The following GRID1 variants were observed in gnomAD, a reference collection of about 807,000 sequenced individuals.
The protein encoded by GRID1 is glutamate receptor ionotropic, delta-1.
A neutral mutation model predicts 98.0 loss-of-function variants in GRID1; 28 were observed. The ratio of observed to expected loss-of-function variants is 0.29; its 90% CI spans 0.21 to 0.39. The LOEUF is 0.39. Among genes scored for constraint, GRID1 ranks in the 10% least tolerant of loss-of-function variants. The pLI, the probability that GRID1 is intolerant of heterozygous loss-of-function variation, is 1.00. For missense variants in GRID1, 1,111 were observed against 1,340.5 expected (o/e 0.83, Z 2.67); for synonymous variants, 553 against 538.5 (o/e 1.03, Z -0.37).
chr10:85,876,526 A>G (rs1029162861), intron 5 of GRID1, among the ~76,000 whole-genome samples: 16 of 152,236 alleles, frequency 1.1e-4, no homozygotes, highest in African/African-American at 3.6e-4. Context: ...CCTTTGCCAT[A>G]TAAGGTAATA....
At chr10:85,656,827 T>A (rs1003889672) in intron 12 of GRID1, among the ~76,000 whole-genome samples, 7 of 152,188 alleles carry the variant, frequency 4.6e-5, no homozygotes, top group African/African-American at 1.7e-4. Context: ...TCTCTAAGAA[T>A]CTCCTTGCTT....
At chr10:86,131,679 G>A (rs529073773) in intron 4 of GRID1, among the ~76,000 whole-genome samples, 9 of 152,220 alleles carry the variant, frequency 5.9e-5, no homozygotes, top group South Asian at 2.1e-4. Flanking sequence ...AAAGTCCAGC[G>A]GCACTCAGGC....
intron 4 of GRID1, among the ~76,000 whole-genome samples, chr10:85,996,019 G>A (rs972401762): frequency 1.3e-5 from 2 of 152,206 alleles, no homozygotes; most frequent in Non-Finnish European, 2.9e-5. Flanking sequence ...AGAAGAGCAC[G>A]GCAAATGCTT....
At chr10:85,713,235 C>T (rs768154735) in intron 12 of GRID1, among the ~76,000 whole-genome samples, 1 of 151,550 alleles carries the variant, frequency 6.6e-6, no homozygotes, top group Non-Finnish European at 1.5e-5. Flanking sequence ...GCAACCAATA[C>T]CACAGAAATA....
chr10:85,850,619 G>A (rs1217434964), intron 8 of GRID1, among the ~76,000 whole-genome samples: 1 of 152,192 alleles, frequency 6.6e-6, no homozygotes, highest in Non-Finnish European at 1.5e-5. Flanking sequence ...GCTGGAGGCT[G>A]TGTTTTAGGC....
intron 2 of GRID1, among the ~76,000 whole-genome samples, chr10:86,306,902 C>G (rs946114959): frequency 6.6e-6 from 1 of 152,166 alleles, no homozygotes; most frequent in African/African-American, 2.4e-5. Flanking sequence ...GTTGGTATAC[C>G]TAACACTGCA....
In GRID1 at chr10:86,089,436, T is replaced by G. The variant is rs1589367406; in HGVS notation, c.726+49383A>C. Among the ~76,000 whole-genome samples, 5 of 151,860 alleles carry G rather than the reference T, an allele frequency of 3.3e-5. No individual in the cohort carries two copies. In the South Asian group the frequency reaches 8.3e-4, roughly 25 times the overall value. On this transcript the variant is annotated intron_variant, in intron 4 of 15. Coordinates refer to ENST00000327946, the MANE Select transcript of GRID1 (RefSeq NM_017551.3). ...TGAGACAGCAACCCCCTCACCAGAGTAGTATCAGAAGAAACCAGCTAAAAC... is the reference window on the plus strand; with the variant it reads ...TGAGACAGCAACCCCCTCACCAGAGGAGTATCAGAAGAAACCAGCTAAAAC...
intron 8 of GRID1, among the ~76,000 whole-genome samples, chr10:85,750,683 G>A (rs1842038205): frequency 6.6e-6 from 1 of 152,114 alleles, no homozygotes; most frequent in Non-Finnish European, 1.5e-5. Flanking sequence ...ATAGCACTAT[G>A]CATCAAAAGC....
intron 4 of GRID1, among the ~76,000 whole-genome samples, chr10:85,926,086 A>G (rs1475151190): frequency 6.6e-6 from 1 of 152,086 alleles, no homozygotes; most frequent in Non-Finnish European, 1.5e-5. Flanking sequence ...AGTTCTGGAG[A>G]TATAAGCTTC....
At chr10:86,053,583 A>C (rs1843533020) in intron 4 of GRID1, among the ~76,000 whole-genome samples, 1 of 151,834 alleles carries the variant, frequency 6.6e-6, no homozygotes, top group African/African-American at 2.4e-5. Context: ...GCTGGTCTCG[A>C]ACTCAGGAGA....
intron 2 of GRID1, among the ~76,000 whole-genome samples, chr10:86,233,371 G>C (rs1245425700): frequency 6.6e-6 from 1 of 152,224 alleles, no homozygotes; most frequent in Non-Finnish European, 1.5e-5. Context: ...ACAAAGCCAG[G>C]CTGTGGTGCG....
intron 14 of GRID1, among the ~76,000 whole-genome samples, chr10:85,615,131 T>C (rs1842773460): frequency 6.6e-6 from 1 of 152,152 alleles, no homozygotes; most frequent in Admixed American, 6.5e-5. Flanking sequence ...GAGGTCTTGC[T>C]CAATTCCCAC....
intron 2 of GRID1, among the ~76,000 whole-genome samples, chr10:86,361,867 C>A (rs1255146461): frequency 6.6e-6 from 1 of 152,252 alleles, no homozygotes; most frequent in Non-Finnish European, 1.5e-5. Context: ...TCTTCAGACC[C>A]TGTACTCCAG....
intron 12 of GRID1, among the ~76,000 whole-genome samples, chr10:85,668,606 T>G (rs1051544739): frequency 6.6e-6 from 1 of 152,186 alleles, no homozygotes; most frequent in East Asian, 1.9e-4. Flanking sequence ...CCCTTCATTT[T>G]ATAGACCTAA....
intron 8 of GRID1, among the ~76,000 whole-genome samples, chr10:85,764,134 T>A (rs184381738): frequency 6.6e-6 from 1 of 152,284 alleles, no homozygotes; most frequent in East Asian, 1.9e-4. Context: ...AGTCTTTCCA[T>A]GAAGAGTGAC....
chr10:86,359,523 T>G (rs1848575295), intron 2 of GRID1, among the ~76,000 whole-genome samples: 1 of 152,276 alleles, frequency 6.6e-6, no homozygotes, highest in African/African-American at 2.4e-5. Context: ...AACCACAAGC[T>G]ATTCTTGGTA....
At chr10:85,894,242 A>C in intron 5 of GRID1, among the ~76,000 whole-genome samples, 1 of 152,330 alleles carries the variant, frequency 6.6e-6, no homozygotes, top group African/African-American at 2.4e-5. Context: ...TGGTGCTGGA[A>C]AAATTAAATA....
intron 4 of GRID1, among the ~76,000 whole-genome samples, chr10:85,918,118 G>A (rs1841646506): frequency 6.6e-6 from 1 of 151,508 alleles, no homozygotes; most frequent in Non-Finnish European, 1.5e-5. Context: ...CACTCATGTG[G>A]AAGACACTGG....
intron 6 of GRID1, among the ~76,000 whole-genome samples, chr10:85,856,785 ACT>A (rs1486057226): frequency 3.5e-4 from 54 of 152,340 alleles, no homozygotes; most frequent in African/African-American, 1.3e-3. Flanking sequence ...GAGGCAATAT[ACT>A]GGATTTGCTC....
Sources: allele counts gnomAD v4.1 joint callset (sites outside exome capture counted in the v4.1 genomes callset), GRCh38; gene constraint gnomAD v4.1.1; transcripts MANE v1.5; gene names NCBI Gene and HGNC (gene_info 2026-07-23, HGNC 2026-07-21).